DMD: variants seen among roughly 807,000 people sequenced by gnomAD.
DMD encodes dystrophin, also known as mutant dystrophin.
In DMD, 63 loss-of-function variants were observed where a neutral mutation model predicts 330.1. That is an observed-to-expected ratio of 0.19 (90% CI 0.16 to 0.24). DMD has a LOEUF of 0.24. DMD is among the 10% of genes least tolerant of loss of function. The pLI, the probability that DMD is intolerant of heterozygous loss-of-function variation, is 1.00. For synonymous variants in DMD, 1,223 were observed against 959.8 expected, an observed-to-expected ratio of 1.27 and a Z score of -5.07; for missense variants, 3,344 against 2,684.1, an observed-to-expected ratio of 1.25 and a Z score of -5.43.
At chrX:32,638,933 T>C (rs779530238) in intron 11 of DMD, among the ~76,000 whole-genome samples, 2 of 111,654 alleles carry the variant, frequency 1.8e-5, no homozygotes, top group Non-Finnish European at 3.8e-5. Flanking sequence ...TTAGATGTAT[T>C]TTTCTGTCCA....
intron 55 of DMD, among the ~76,000 whole-genome samples, chrX:31,569,605 T>TGTATATAC (rs1461545963): frequency 2.5e-3 from 224 of 89,555 alleles, no homozygotes; most frequent in Middle Eastern, 6.7e-3. Context: ...TACACATATA[T>TGTATATAC]GTATATACGT....
intron 9 of DMD, among the ~76,000 whole-genome samples, chrX:32,677,192 A>C (rs1371858878): frequency 9.0e-6 from 1 of 111,257 alleles, no homozygotes; most frequent in East Asian, 2.8e-4. Context: ...GTATAACCAC[A>C]CAAATAATTT....
At chrX:32,934,079 T>G (rs1007434168) in intron 2 of DMD, among the ~76,000 whole-genome samples, 5 of 111,671 alleles carry the variant, frequency 4.5e-5, no homozygotes, top group African/African-American at 1.6e-4. Flanking sequence ...TCCCTAAGAG[T>G]TAAGGACATT....
At chrX:33,235,108 G>A (rs972057179) in intron 1 of DMD, among the ~76,000 whole-genome samples, 1 of 111,962 alleles carries the variant, frequency 8.9e-6, no homozygotes, top group Non-Finnish European at 1.9e-5. Context: ...GTAACTAAGA[G>A]AATTACGTTA....
chrX:32,596,375 C>T (rs1329014022), intron 12 of DMD, among the ~76,000 whole-genome samples: 1 of 109,965 alleles, frequency 9.1e-6, no homozygotes, highest in African/African-American at 3.3e-5. Context: ...TGCCCACTAA[C>T]CCATTGAAAT....
Position 31,948,389 on chromosome X carries a change from G to T in DMD, c.6615-16162C>A, listed in dbSNP as rs138289661. On this transcript the variant is annotated intron_variant, in intron 45 of 78. Coordinates refer to ENST00000357033, the MANE Select transcript of DMD (RefSeq NM_004006.3). ...AATTCTTTGGGATATATACCCAGGA[G>T]TGAGGTTGCTGGATCATATGGTAGT... is the stretch of plus-strand genomic sequence containing the variant. Among the ~76,000 whole-genome samples, 145 of 111,702 alleles carry T rather than the reference G, an allele frequency of 1.3e-3. 2 individuals carry two copies. The East Asian group carries it at 0.04, about 31-fold the overall frequency.
intron 30 of DMD, among the ~76,000 whole-genome samples, chrX:32,410,728 T>A (rs778602360): frequency 1.8e-5 from 2 of 111,912 alleles, no homozygotes; most frequent in South Asian, 3.7e-4. Context: ...GACTTTTGAA[T>A]AAATAATACC....
chrX:31,921,612 A>G (rs2094691019), intron 47 of DMD, among the ~76,000 whole-genome samples: 1 of 112,423 alleles, frequency 8.9e-6, no homozygotes, highest in Non-Finnish European at 1.9e-5. Context: ...GCATTTTTCT[A>G]TTTTAGTATT....
intron 55 of DMD, among the ~76,000 whole-genome samples, chrX:31,613,417 A>AT (rs1490811045): frequency 9.0e-6 from 1 of 111,169 alleles, no homozygotes; most frequent in Non-Finnish European, 1.9e-5. Flanking sequence ...GTCAGCACCT[A>AT]TTTTCCAGGC....
intron 30 of DMD, among the ~76,000 whole-genome samples, chrX:32,396,616 T>G (rs1167513777): frequency 9.0e-6 from 1 of 111,071 alleles, no homozygotes; most frequent in East Asian, 2.8e-4. Context: ...CCTTTTGCTT[T>G]TTTTTGCCAG....
At chrX:31,896,248 A>G (rs780879308) in intron 47 of DMD, among the ~76,000 whole-genome samples, 3 of 112,203 alleles carry the variant, frequency 2.7e-5, no homozygotes, top group Non-Finnish European at 5.6e-5. Flanking sequence ...TAAGTTGAAA[A>G]TGTAAAATAA....
At chrX:31,213,203 C>A (rs2044946994) in intron 64 of DMD, among the ~76,000 whole-genome samples, 1 of 112,590 alleles carries the variant, frequency 8.9e-6, no homozygotes, top group Non-Finnish European at 1.9e-5. Context: ...TCCAGAGAGG[C>A]TGGAGTTGGC....
At chrX:31,619,018 C>A (rs1007486694) in intron 55 of DMD, among the ~76,000 whole-genome samples, 1 of 111,166 alleles carries the variant, frequency 9.0e-6, no homozygotes, top group East Asian at 2.8e-4. Context: ...ACTAAATATA[C>A]GATGGTATTA....
chrX:32,684,957 T>G (rs907407561), intron 9 of DMD, among the ~76,000 whole-genome samples: 6 of 111,884 alleles, frequency 5.4e-5, no homozygotes, highest in African/African-American at 1.9e-4. Context: ...AACCAATACA[T>G]GATGCAAGAA....
intron 61 of DMD, among the ~76,000 whole-genome samples, chrX:31,333,087 TA>T (rs1902940508): frequency 8.9e-6 from 1 of 111,770 alleles, no homozygotes; most frequent in South Asian, 3.7e-4. Flanking sequence ...CTCAGAGTAA[TA>T]AAACATGAAC....
intron 41 of DMD, among the ~76,000 whole-genome samples, chrX:32,335,770 A>C (rs55885297): frequency 1.1e-5 from 1 of 90,838 alleles, no homozygotes; most frequent in Non-Finnish European, 2.2e-5. Context: ...GTATATATAA[A>C]ACGTTATATA....
chrX:31,382,986 CT>C (rs1406714392), intron 60 of DMD, among the ~76,000 whole-genome samples: 1 of 112,158 alleles, frequency 8.9e-6, no homozygotes, highest in Non-Finnish European at 1.9e-5. Context: ...TCCAGATGGC[CT>C]GAAGTAACTG....
At position 32,485,042 on chromosome X, in the gene DMD, T is replaced by C. The variant is rs1264837348; in HGVS notation, c.2680A>G (p.Ser894Gly). 3.3e-6 allele frequency: 4 copies of C among 1,209,677 alleles called. No homozygotes were observed. The highest frequency in any genetic ancestry group is 1.8e-5 in the South Asian group (1 of 56,839). Reference sequence around the variant, plus strand: ...TGTCCTTTCTCTTTCAGGGCTATGCTTTGAATTTTTAATCGTTCAATTTGA... The same window carrying C: ...TGTCCTTTCTCTTTCAGGGCTATGCCTTGAATTTTTAATCGTTCAATTTGA... ...QPQIERLKIQSIALKEKGQGP... is the reference protein window; with the variant it reads ...QPQIERLKIQGIALKEKGQGP... Residue 894 changes from serine (S) to glycine (G), a missense_variant, in exon 21 of 79, where the codon AGC becomes GGC. Transcript: ENST00000357033.
At chrX:32,055,604 T>C (rs1357867616) in intron 44 of DMD, among the ~76,000 whole-genome samples, 1 of 111,512 alleles carries the variant, frequency 9.0e-6, no homozygotes, top group Non-Finnish European at 1.9e-5. Flanking sequence ...ACATTACATA[T>C]ATAAAAACAT....
Sources: allele counts gnomAD v4.1 joint callset (sites outside exome capture counted in the v4.1 genomes callset), GRCh38; gene constraint gnomAD v4.1.1; transcripts MANE v1.5; gene names NCBI Gene and HGNC (gene_info 2026-07-23, HGNC 2026-07-21).